The following COLGALT2 variants were observed in gnomAD, a reference collection of about 807,000 sequenced individuals.
COLGALT2 encodes the protein collagen beta(1-O)galactosyltransferase 2, also known as procollagen galactosyltransferase 2.
COLGALT2 carries 49 observed loss-of-function variants against 73.4 expected under a neutral mutation model. The ratio of observed to expected loss-of-function variants is 0.67; its 90% confidence interval spans 0.53 to 0.85. The LOEUF is 0.85. COLGALT2 is among the 40% of genes least tolerant of loss of function. The pLI is 0.00. For synonymous variants in COLGALT2, 295 were observed against 307.6 expected (o/e 0.96, Z 0.43); for missense variants, 722 against 790.2 (o/e 0.91, Z 1.03).
intron 1 of COLGALT2, among the ~76,000 whole-genome samples, chr1:183,984,009 C>T (rs146948879): frequency 2.3e-4 from 35 of 152,336 alleles, no homozygotes; most frequent in African/African-American, 8.4e-4. Flanking sequence ...TTCCGGGAGG[C>T]TCATACGGCT....
chr1:184,006,714 T>A (rs1461635870), intron 1 of COLGALT2, among the ~76,000 whole-genome samples: 1 of 152,216 alleles, frequency 6.6e-6, no homozygotes, highest in Non-Finnish European at 1.5e-5. Context: ...CTTATAGTAC[T>A]AGGAATACCC....
chr1:183,977,540 C>A (rs1390986653), intron 2 of COLGALT2, among the ~76,000 whole-genome samples: 1 of 151,756 alleles, frequency 6.6e-6, no homozygotes, highest in Non-Finnish European at 1.5e-5. Flanking sequence ...AATCCCAGCA[C>A]TTTGGAAGGC....
chr1:184,036,386 T>C (rs1242644599), intron 1 of COLGALT2, among the ~76,000 whole-genome samples: 1 of 152,196 alleles, frequency 6.6e-6, no homozygotes, highest in Non-Finnish European at 1.5e-5. Context: ...TGTTTATCTT[T>C]CCCAGGGCAT....
chr1:184,010,739 C>G (rs1672213246), intron 1 of COLGALT2, among the ~76,000 whole-genome samples: 1 of 152,132 alleles, frequency 6.6e-6, no homozygotes, highest in African/African-American at 2.4e-5. Flanking sequence ...CACCAAATAC[C>G]CTGCTTTTGA....
intron 1 of COLGALT2, among the ~76,000 whole-genome samples, chr1:184,032,437 T>C (rs114175658): frequency 0.01 from 1,551 of 152,332 alleles, 22 homozygotes; most frequent in African/African-American, 0.035. Flanking sequence ...GTGTTACTAT[T>C]AGTTATTTGA....
intron 5 of COLGALT2, among the ~76,000 whole-genome samples, chr1:183,967,617 A>C (rs781163569): frequency 3.3e-5 from 5 of 152,236 alleles, no homozygotes; most frequent in Admixed American, 3.3e-4. Context: ...ATTGCATCAT[A>C]ATAATGCTTT....
Position 183,936,541 on chromosome 1 carries a change from A to G in COLGALT2, c.*2220T>C. On this transcript the variant is annotated 3_prime_UTR_variant, in exon 12 of 12. Coordinates refer to ENST00000361927, the MANE Select transcript of COLGALT2 (RefSeq NM_015101.4). ...GGGAACAGGAAAAAAAAAATTCTCT[A>G]TTAAACAAAACACCACAAAAATCAA... 1 of 1,065,556 alleles carries G rather than the reference A, an allele frequency of 9.4e-7. No homozygotes were observed. 66.0% of individuals were successfully genotyped at this position (1,065,556 alleles called of 1,614,324 possible). A position where few individuals can be genotyped will look rare whatever the true frequency, so the allele number is the denominator to read the frequency against.
At chr1:183,974,945 C>A in intron 3 of COLGALT2, 152 bp downstream of exon 3, 1 of 583,160 alleles carries the variant, frequency 1.7e-6, no homozygotes, top group Non-Finnish European at 3.0e-6. Flanking sequence ...TTTAAACTAC[C>A]AAAAATTTCA....
chr1:183,944,890 G>A (rs947871311), intron 9 of COLGALT2, among the ~76,000 whole-genome samples: 2 of 152,154 alleles, frequency 1.3e-5, no homozygotes, highest in South Asian at 2.1e-4. Context: ...AGTGTTCAAG[G>A]GGCCTTTCTT....
intron 5 of COLGALT2, among the ~76,000 whole-genome samples, chr1:183,965,077 T>C (rs1670830307): frequency 6.6e-6 from 1 of 152,210 alleles, no homozygotes; most frequent in Non-Finnish European, 1.5e-5. Context: ...AAATAACCTT[T>C]ATTCCCTGCT....
chr1:184,036,983 C>T, intron 1 of COLGALT2, 112 bp downstream of exon 1: 1 of 949,790 alleles, frequency 1.1e-6, no homozygotes, highest in Non-Finnish European at 1.4e-6. Context: ...CGCGTGCCCC[C>T]CCGCCCCTCC....
At chr1:183,945,067 C>A (rs1670212771) in intron 9 of COLGALT2, among the ~76,000 whole-genome samples, 1 of 152,184 alleles carries the variant, frequency 6.6e-6, no homozygotes, top group Non-Finnish European at 1.5e-5. Context: ...TAAAGGTGGT[C>A]TGTCCTTCCC....
intron 1 of COLGALT2, among the ~76,000 whole-genome samples, chr1:184,009,680 C>T (rs572123230): frequency 2.6e-5 from 4 of 152,046 alleles, no homozygotes; most frequent in Non-Finnish European, 5.9e-5. Flanking sequence ...CACTTTTTTC[C>T]AAATCACTGA....
At position 183,963,936 on chromosome 1, in the gene COLGALT2, A is replaced by T; in HGVS notation, c.917T>A (p.Ile306Asn). 6.2e-7 allele frequency: 1 copy of T among 1,611,738 alleles called. No homozygotes were observed. Among genetic ancestry groups the T allele is most frequent in the South Asian group, 1.1e-5 (1 of 90,600 alleles). The change falls in exon 6 of 12, where the codon ATC (isoleucine) becomes AAC (asparagine). Residue 306 changes from isoleucine (I) to asparagine (N), a missense_variant. Transcript: ENST00000361927. ...AATCTGCACATGGATGAGGTTCTCG[A>T]TGTCTTCCTGCAGTGTCTGATGGGG... The part of the protein sequence containing the change: ...LKPHQTLQED[I>N]ENLIHVQIEA...
intron 1 of COLGALT2, among the ~76,000 whole-genome samples, chr1:184,028,810 C>G (rs1649409903): frequency 6.6e-6 from 1 of 152,138 alleles, no homozygotes; most frequent in South Asian, 2.1e-4. Context: ...TGTCTTCAAA[C>G]ATTAATCAGA....
intron 1 of COLGALT2, among the ~76,000 whole-genome samples, chr1:184,020,873 T>A (rs1649159178): frequency 6.6e-6 from 1 of 152,154 alleles, no homozygotes. Flanking sequence ...TGTACTTAGA[T>A]GCAGTGCTGG....
chr1:183,930,569 C>CTTTTTTTTTTT (rs397861890), intron 11 of COLGALT2, among the ~76,000 whole-genome samples: 23 of 114,070 alleles, frequency 2.0e-4, no homozygotes, highest in East Asian at 5.6e-4. Flanking sequence ...TTTTCTTTTT[C>CTTTTTTTTTTT]TTTTTTTTTT....
chr1:184,024,540 TG>T (rs1269313897), intron 1 of COLGALT2, among the ~76,000 whole-genome samples: 1 of 151,792 alleles, frequency 6.6e-6, no homozygotes, highest in African/African-American at 2.4e-5. Context: ...TTAGTAGAGA[TG>T]GGGTTTCACC....
intron 8 of COLGALT2, chr1:183,945,826 G>T: frequency 2.1e-6 from 1 of 485,380 alleles, no homozygotes; most frequent in Non-Finnish European, 3.7e-6. Context: ...TTTTTGACAA[G>T]ATTTAATAAG....
Sources: allele counts gnomAD v4.1 joint callset (sites outside exome capture counted in the v4.1 genomes callset), GRCh38; gene constraint gnomAD v4.1.1; transcripts MANE v1.5; gene names NCBI Gene and HGNC (gene_info 2026-07-23, HGNC 2026-07-21).